GRM8: variants seen among roughly 807,000 people sequenced by gnomAD.
The protein encoded by GRM8 is metabotropic glutamate receptor 8.
Under a neutral mutation model 87.2 loss-of-function variants are expected in GRM8, and 47 were observed. The observed-to-expected ratio is 0.54, with a 90% confidence interval of 0.43 to 0.69. The LOEUF is 0.69. Among genes scored for constraint, GRM8 ranks in the 30% least tolerant of loss-of-function variants. The pLI, the probability that GRM8 is intolerant of heterozygous loss-of-function variation, is 0.00. For synonymous variants in GRM8, 396 were observed against 404.5 expected (o/e 0.98, Z 0.25); for missense variants, 1,019 against 1,139.2 (o/e 0.89, Z 1.52).
intron 9 of GRM8, among the ~76,000 whole-genome samples, chr7:126,446,639 A>G (rs1365145969): frequency 6.6e-6 from 1 of 152,002 alleles, no homozygotes; most frequent in African/African-American, 2.4e-5. Context: ...TCCTTTTTAG[A>G]TTATAAATAA....
chr7:126,994,234 C>G (rs1020117846), intron 3 of GRM8, among the ~76,000 whole-genome samples: 1 of 152,254 alleles, frequency 6.6e-6, no homozygotes, highest in Non-Finnish European at 1.5e-5. Flanking sequence ...GACACACTCT[C>G]GGCCAGAAGA....
intron 3 of GRM8, among the ~76,000 whole-genome samples, chr7:126,967,520 T>C (rs1049817605): frequency 2.7e-5 from 4 of 146,938 alleles, no homozygotes; most frequent in Non-Finnish European, 6.0e-5. Flanking sequence ...GCTTGGATTA[T>C]GTGAAAACCT....
intron 2 of GRM8, among the ~76,000 whole-genome samples, chr7:127,108,546 C>G (rs11563720): frequency 0.095 from 14,444 of 152,172 alleles, 968 homozygotes; most frequent in Middle Eastern, 0.18. Flanking sequence ...ACTTCCTGAG[C>G]TACTAAGAGT....
intron 2 of GRM8, among the ~76,000 whole-genome samples, chr7:127,203,443 C>T (rs373889268): frequency 6.6e-6 from 1 of 152,198 alleles, no homozygotes; most frequent in Non-Finnish European, 1.5e-5. Flanking sequence ...CGTAGTGGCT[C>T]AGGCCTGTAA....
At chr7:126,914,009 T>C (rs2131311296) in intron 3 of GRM8, among the ~76,000 whole-genome samples, 1 of 152,296 alleles carries the variant, frequency 6.6e-6, no homozygotes, top group East Asian at 1.9e-4. Flanking sequence ...ATGTGGAATC[T>C]TAAAGGGACT....
intron 6 of GRM8, among the ~76,000 whole-genome samples, chr7:126,863,742 G>A (rs1416476857): frequency 1.3e-5 from 2 of 151,904 alleles, no homozygotes; most frequent in African/African-American, 2.4e-5. Flanking sequence ...TAATTTCTGA[G>A]GTAAGGTGTT....
chr7:126,682,993 G>T (rs2151337387), intron 7 of GRM8, among the ~76,000 whole-genome samples: 1 of 152,234 alleles, frequency 6.6e-6, no homozygotes, highest in Non-Finnish European at 1.5e-5. Flanking sequence ...AGGTTTCAGT[G>T]AACCTAGATC....
intron 2 of GRM8, among the ~76,000 whole-genome samples, chr7:127,173,444 C>T (rs17865088): frequency 0.011 from 1,638 of 151,922 alleles, 28 homozygotes; most frequent in African/African-American, 0.037. Flanking sequence ...AAGAAGGACA[C>T]GAAGCAGAGA....
At chr7:126,604,226 T>A (rs76729771) in intron 8 of GRM8, among the ~76,000 whole-genome samples, 3,715 of 152,222 alleles carry the variant, frequency 0.024, 142 homozygotes, top group African/African-American at 0.085. Context: ...CAAAATTCCA[T>A]CAGAAAGTTT....
chr7:126,444,538 T>TAA (rs1801802255), intron 10 of GRM8, among the ~76,000 whole-genome samples: 2 of 152,188 alleles, frequency 1.3e-5, no homozygotes, highest in Admixed American at 1.3e-4. Context: ...ATAATCTTTT[T>TAA]AGAACCAATC....
intron 3 of GRM8, among the ~76,000 whole-genome samples, chr7:126,970,761 C>T (rs183224863): frequency 6.6e-6 from 1 of 152,200 alleles, no homozygotes; most frequent in African/African-American, 2.4e-5. Flanking sequence ...CCTCACCAAG[C>T]TTCATCATTT....
chr7:126,466,187 G>C (rs2150535769), intron 9 of GRM8, among the ~76,000 whole-genome samples: 1 of 151,582 alleles, frequency 6.6e-6, no homozygotes, highest in South Asian at 2.1e-4. Context: ...TTTTTAGTTA[G>C]AATTGTTCTA....
intron 2 of GRM8, among the ~76,000 whole-genome samples, 188 bp downstream of exon 2, chr7:127,242,507 G>T (rs953849606): frequency 6.6e-6 from 1 of 151,114 alleles, no homozygotes; most frequent in Non-Finnish European, 1.5e-5. Flanking sequence ...CCAGTTAATT[G>T]TAAGTAATGG....
At chr7:127,240,070 T>C (rs544071084) in intron 2 of GRM8, among the ~76,000 whole-genome samples, 1 of 152,278 alleles carries the variant, frequency 6.6e-6, no homozygotes, top group East Asian at 1.9e-4. Flanking sequence ...AGAGCTGCCC[T>C]TTCATGTGTT....
At chr7:126,556,145 C>T (rs1477970588) in intron 8 of GRM8, among the ~76,000 whole-genome samples, 3 of 152,000 alleles carry the variant, frequency 2.0e-5, no homozygotes, top group Non-Finnish European at 2.9e-5. Flanking sequence ...CAAAATACTT[C>T]GTATCCATGA....
intron 3 of GRM8, among the ~76,000 whole-genome samples, chr7:127,005,498 T>C (rs925470083): frequency 5.9e-5 from 9 of 151,794 alleles, no homozygotes; most frequent in African/African-American, 2.2e-4. Context: ...TCAATCCCCC[T>C]AAGGCCAGGC....
chr7:126,509,436 T>C (rs1342358362), intron 9 of GRM8, among the ~76,000 whole-genome samples: 1 of 152,034 alleles, frequency 6.6e-6, no homozygotes, highest in Non-Finnish European at 1.5e-5. Flanking sequence ...AGAGGAGTGA[T>C]GAATAAAAGC....
In GRM8 at chr7:126,912,889, C is replaced by T. The variant is rs549442593; in HGVS notation, c.728-8206G>A. Among the ~76,000 whole-genome samples the T allele has an allele frequency of 7.6e-4, 116 of 152,276 alleles. 1 individual carries two copies. The Middle Eastern group carries it at 0.027, about 36-fold the overall frequency. On this transcript the variant is annotated intron_variant, in intron 3 of 10. Transcript: ENST00000339582. Reference sequence around the variant, plus strand: ...TAATGTTAAAACTTCCTTTCAAAGACGTCTTGTTGCACAAACAAAGGCAAT... The same window carrying T: ...TAATGTTAAAACTTCCTTTCAAAGATGTCTTGTTGCACAAACAAAGGCAAT...
intron 6 of GRM8, among the ~76,000 whole-genome samples, chr7:126,790,765 C>A (rs1821195021): frequency 6.6e-6 from 1 of 151,962 alleles, no homozygotes. Context: ...AGAGTCCAAA[C>A]AAGTGAAGGT....
Sources: allele counts gnomAD v4.1 joint callset (sites outside exome capture counted in the v4.1 genomes callset), GRCh38; gene constraint gnomAD v4.1.1; transcripts MANE v1.5; gene names NCBI Gene and HGNC (gene_info 2026-07-23, HGNC 2026-07-21).